Variants in WDR70 observed in about 807,000 individuals in gnomAD.
WDR70 encodes WD repeat domain 70.
A neutral mutation model predicts 88.6 loss-of-function variants in WDR70; 53 were observed. The ratio of observed to expected loss-of-function variants is 0.60; its 90% CI spans 0.48 to 0.75. The LOEUF is 0.75. Ranked by LOEUF, WDR70 falls within the 30% of genes least tolerant of loss-of-function variation. WDR70 has a pLI of 0.00. For synonymous variants in WDR70, 280 were observed against 270.0 expected, an observed-to-expected ratio of 1.04 and a Z score of -0.36; for missense variants, 610 against 823.2, an observed-to-expected ratio of 0.74 and a Z score of 3.17.
chr5:37,404,755 A>G (rs1391415686), intron 5 of WDR70, among the ~76,000 whole-genome samples: 1 of 151,992 alleles, frequency 6.6e-6, no homozygotes, highest in Admixed American at 6.6e-5. Context: ...TCTCTAAGTT[A>G]TTGCTTTTAT....
intron 9 of WDR70, among the ~76,000 whole-genome samples, chr5:37,588,952 A>G (rs2112442059): frequency 6.6e-6 from 1 of 151,988 alleles, no homozygotes; most frequent in Admixed American, 6.6e-5. Context: ...TTTAGTGGAG[A>G]CGGGGTTTCA....
At chr5:37,443,512 T>C (rs552193737) in intron 7 of WDR70, 140 bp downstream of exon 7, 13 of 946,764 alleles carry the variant, frequency 1.4e-5, no homozygotes, top group Admixed American at 3.2e-5. Context: ...ACGGCCTTCA[T>C]AATTTAAATG....
chr5:37,586,174 T>C (rs944419760), intron 9 of WDR70, among the ~76,000 whole-genome samples: 5 of 152,212 alleles, frequency 3.3e-5, no homozygotes, highest in African/African-American at 1.2e-4. Flanking sequence ...CCAGGTTTTA[T>C]TGATTCCCTT....
intron 7 of WDR70, among the ~76,000 whole-genome samples, chr5:37,472,861 G>A (rs145226734): frequency 2.0e-4 from 30 of 152,122 alleles, no homozygotes; most frequent in Non-Finnish European, 4.0e-4. Flanking sequence ...TGCTTTGAAC[G>A]TTTTTGTATG....
chr5:37,616,345 T>C (rs1744340671), intron 10 of WDR70, among the ~76,000 whole-genome samples: 1 of 152,118 alleles, frequency 6.6e-6, no homozygotes, highest in Non-Finnish European at 1.5e-5. Context: ...TGACCTCAAG[T>C]GATCCACCCG....
At chr5:37,615,867 C>A (rs1281046854) in intron 10 of WDR70, among the ~76,000 whole-genome samples, 6 of 152,220 alleles carry the variant, frequency 3.9e-5, no homozygotes, top group Admixed American at 3.9e-4. Flanking sequence ...CTCACTCCCT[C>A]AATTGCGTCT....
chr5:37,697,593 A>G (rs1747018069), intron 10 of WDR70, 62 bp from the exon 11 acceptor site: 2 of 1,371,158 alleles, frequency 1.5e-6, no homozygotes, highest in South Asian at 2.4e-5. Flanking sequence ...TGTTCTTGCC[A>G]CAAAACTGTT....
intron 8 of WDR70, chr5:37,505,809 A>G (rs1740542649): frequency 1.4e-6 from 2 of 1,401,218 alleles, no homozygotes; most frequent in South Asian, 2.3e-5. Context: ...ACAGTTCTCT[A>G]AATTGGTTCC....
At chr5:37,722,757 G>GGTC in intron 14 of WDR70, 98 bp from the exon 15 acceptor site, 1 of 1,087,146 alleles carries the variant, frequency 9.2e-7, no homozygotes, top group Non-Finnish European at 1.4e-6. Flanking sequence ...TGGAGTGCAT[G>GGTC]CACAGAGTAT....
At chr5:37,641,576 C>T (rs1216809520) in intron 10 of WDR70, among the ~76,000 whole-genome samples, 1 of 151,936 alleles carries the variant, frequency 6.6e-6, no homozygotes, top group Non-Finnish European at 1.5e-5. Context: ...GCCACTACGC[C>T]CTGCTAATTT....
intron 5 of WDR70, among the ~76,000 whole-genome samples, chr5:37,415,011 C>T (rs1749655894): frequency 6.6e-6 from 1 of 151,142 alleles, no homozygotes; most frequent in Non-Finnish European, 1.5e-5. Context: ...CTTCAAGCAT[C>T]TGTTTAACAA....
intron 5 of WDR70, among the ~76,000 whole-genome samples, chr5:37,428,472 C>T (rs1246091567): frequency 6.6e-6 from 1 of 152,162 alleles, no homozygotes; most frequent in Non-Finnish European, 1.5e-5. Context: ...TGTTTTATGT[C>T]ACTATAGGTT....
chr5:37,675,602 T>C (rs1340103510), intron 10 of WDR70, among the ~76,000 whole-genome samples: 203 of 152,040 alleles, frequency 1.3e-3, no homozygotes, highest in Admixed American at 1.1e-3. Context: ...TATCTCTGTT[T>C]TGGTACCAGT....
chr5:37,408,010 C>T (rs1749405724), intron 5 of WDR70, among the ~76,000 whole-genome samples: 1 of 152,006 alleles, frequency 6.6e-6, no homozygotes, highest in African/African-American at 2.4e-5. Context: ...TCTTTTCTCT[C>T]CCTCACATTA....
intron 13 of WDR70, among the ~76,000 whole-genome samples, chr5:37,708,136 A>G (rs533988437): frequency 5.8e-4 from 88 of 150,538 alleles, no homozygotes; most frequent in Middle Eastern, 7.0e-3. Context: ...GGATTATCTT[A>G]TATTTTTACT....
chr5:37,491,628 A>G (rs1205199914), intron 8 of WDR70, among the ~76,000 whole-genome samples: 5 of 152,170 alleles, frequency 3.3e-5, no homozygotes, highest in Non-Finnish European at 5.9e-5. Context: ...TTATTTTTGA[A>G]TAGTACGTGT....
At chr5:37,615,535 T>C (rs1224314996) in intron 10 of WDR70, among the ~76,000 whole-genome samples, 4 of 152,212 alleles carry the variant, frequency 2.6e-5, no homozygotes, top group African/African-American at 9.6e-5. Flanking sequence ...GGACGTCATC[T>C]TTCTCAGTCT....
At chr5:37,418,207 A>T (rs1334633771) in intron 5 of WDR70, among the ~76,000 whole-genome samples, 3 of 121,642 alleles carry the variant, frequency 2.5e-5, no homozygotes, top group Admixed American at 1.4e-4. Context: ...TGAATTATGA[A>T]TTTTATTTTA....
chr5:37,619,176 A>G (rs569442087), intron 10 of WDR70, among the ~76,000 whole-genome samples: 1 of 152,210 alleles, frequency 6.6e-6, no homozygotes, highest in East Asian at 1.9e-4. Context: ...AAATAGGGGA[A>G]GCATGTTTTG....
Sources: allele counts gnomAD v4.1 joint callset (sites outside exome capture counted in the v4.1 genomes callset), GRCh38; gene constraint gnomAD v4.1.1; transcripts MANE v1.5; gene names NCBI Gene and HGNC (gene_info 2026-07-23, HGNC 2026-07-21).